The following KCNH1 variants were observed in gnomAD, a reference collection of about 807,000 sequenced individuals.
KCNH1 encodes potassium voltage-gated channel subfamily H member 1, also known as voltage-gated delayed rectifier potassium channel KCNH1.
In KCNH1, 27 loss-of-function variants were observed where a neutral mutation model predicts 69.2. That is an observed-to-expected ratio of 0.39 (90% CI 0.29 to 0.54). The LOEUF is 0.54. Among genes scored for constraint, KCNH1 ranks in the 20% least tolerant of loss-of-function variants. The pLI, the probability that KCNH1 is intolerant of heterozygous loss-of-function variation, is 0.68. For missense variants in KCNH1, 798 were observed against 1,261.6 expected (o/e 0.63, Z 5.57); for synonymous variants, 456 against 487.7 (o/e 0.93, Z 0.86).
rs368430564 is a variant in KCNH1 at position 211,015,361 on chromosome 1, A to T, written c.1032+3422T>A. 1.3e-4 allele frequency among the ~76,000 whole-genome samples: 20 copies of T among 152,308 alleles called. No individual in the cohort carries two copies. In the East Asian group the frequency reaches 3.9e-3, roughly 29 times the overall value. On this transcript the variant is annotated intron_variant, in intron 6 of 10. Coordinates refer to ENST00000271751, the MANE Select transcript of KCNH1 (RefSeq NM_172362.3). The stretch of plus-strand genomic sequence containing the variant: ...CAGAAGGGAACCCATTATTACTGTG[A>T]TTATATGATATGTTATTCCATCTTG...
At chr1:211,033,065 G>A (rs1197153905) in intron 5 of KCNH1, among the ~76,000 whole-genome samples, 1 of 151,890 alleles carries the variant, frequency 6.6e-6, no homozygotes, top group African/African-American at 2.4e-5. Context: ...AAATTTACAA[G>A]AAAAAAACAA....
chr1:210,873,724 ATAAT>A (rs1208160667), intron 7 of KCNH1, among the ~76,000 whole-genome samples: 3 of 152,228 alleles, frequency 2.0e-5, no homozygotes, highest in Admixed American at 2.0e-4. Flanking sequence ...AAATACAAAA[ATAAT>A]ATGTGAATCA....
rs986984103 is a variant in KCNH1, at chr1:210,882,119, A to T, written c.1462+37521T>A. On this transcript the variant is annotated intron_variant, in intron 7 of 10. Coordinates refer to ENST00000271751, the MANE Select transcript of KCNH1 (RefSeq NM_172362.3). ...ATATTGATAATGGTGGAGGCTGTGC[A>T]TGGGTGGGGGTAAGAGATACATGAG... Among the ~76,000 whole-genome samples the T allele has an allele frequency of 3.3e-5, 5 of 152,210 alleles. No homozygotes were observed. In the East Asian group the frequency reaches 5.8e-4, roughly 18 times the overall value.
At chr1:210,987,277 T>G (rs1241918468) in intron 6 of KCNH1, among the ~76,000 whole-genome samples, 1 of 152,242 alleles carries the variant, frequency 6.6e-6, no homozygotes, top group East Asian at 1.9e-4. Context: ...CCTTCTTCTC[T>G]CAACTCGTCA....
intron 6 of KCNH1, among the ~76,000 whole-genome samples, chr1:210,945,842 A>G (rs1687949261): frequency 6.6e-6 from 1 of 152,226 alleles, no homozygotes; most frequent in Non-Finnish European, 1.5e-5. Context: ...TTCTCCAAAA[A>G]GGACTTCCCT....
intron 7 of KCNH1, among the ~76,000 whole-genome samples, chr1:210,857,830 C>T (rs557949844): frequency 6.6e-6 from 1 of 152,258 alleles, no homozygotes; most frequent in East Asian, 1.9e-4. Flanking sequence ...GGGAAGCAAG[C>T]CAATCTCTCT....
intron 9 of KCNH1, among the ~76,000 whole-genome samples, chr1:210,790,798 A>G (rs1211765674): frequency 1.3e-5 from 2 of 152,140 alleles, no homozygotes; most frequent in African/African-American, 4.8e-5. Context: ...TAATCTTTAC[A>G]AATCACATCT....
chr1:210,696,609 T>C (rs1370813340), intron 10 of KCNH1, among the ~76,000 whole-genome samples: 2 of 152,140 alleles, frequency 1.3e-5, no homozygotes, highest in African/African-American at 4.8e-5. Context: ...GAAAGACACT[T>C]GAACTCCCAC....
intron 10 of KCNH1, among the ~76,000 whole-genome samples, chr1:210,695,128 A>G (rs1681610848): frequency 1.3e-5 from 2 of 152,226 alleles, no homozygotes; most frequent in South Asian, 4.1e-4. Flanking sequence ...GCACTGCTCT[A>G]TTCTTAGCCA....
chr1:211,010,125 A>T (rs1306428352), intron 6 of KCNH1, among the ~76,000 whole-genome samples: 1 of 152,168 alleles, frequency 6.6e-6, no homozygotes, highest in Non-Finnish European at 1.5e-5. Context: ...CTCCAGTCAC[A>T]TTCAGGGACT....
At position 210,679,423 on chromosome 1, in the gene KCNH1, C is replaced by T. The variant is rs1466849444; in HGVS notation, c.*3858G>A. On this transcript the variant is annotated 3_prime_UTR_variant, in exon 11 of 11. Coordinates refer to ENST00000271751, the MANE Select transcript of KCNH1 (RefSeq NM_172362.3). ...TAGTAAAACCTATTAATCAAATGCA[C>T]ATCAGCAACGTGTATCTCCACCAGG... 1.3e-5 allele frequency: 2 copies of T among 152,192 alleles called. No homozygotes were observed. The highest frequency in any genetic ancestry group is 2.9e-5 in the Non-Finnish European group (2 of 68,036). 9.4% of individuals were successfully genotyped at this position (152,192 alleles called of 1,614,324 possible). A position where few individuals can be genotyped will look rare whatever the true frequency, so the allele number is the denominator to read the frequency against.
chr1:210,795,862 C>T (rs1684300336), intron 9 of KCNH1, among the ~76,000 whole-genome samples: 1 of 151,910 alleles, frequency 6.6e-6, no homozygotes, highest in Non-Finnish European at 1.5e-5. Context: ...GTGGCTCATG[C>T]CTGTAATCCC....
chr1:210,749,674 T>A (rs945483360), intron 10 of KCNH1, among the ~76,000 whole-genome samples: 1 of 151,994 alleles, frequency 6.6e-6, no homozygotes. Flanking sequence ...CATAGGCAAC[T>A]TCCCTTGGCC....
chr1:210,973,049 T>A (rs1688540964), intron 6 of KCNH1, among the ~76,000 whole-genome samples: 1 of 152,044 alleles, frequency 6.6e-6, no homozygotes, highest in African/African-American at 2.4e-5. Flanking sequence ...CTCCTAATCA[T>A]GAACTTCAAT....
Position 210,995,991 on chromosome 1 carries a change from A to G in KCNH1, c.1032+22792T>C, listed in dbSNP as rs12023730. Among the ~76,000 whole-genome samples the G allele has an allele frequency of 2.0e-4, 30 of 152,040 alleles. No homozygotes were observed. In the East Asian group the frequency reaches 5.8e-3, roughly 29 times the overall value. On this transcript the variant is annotated intron_variant, in intron 6 of 10. Coordinates refer to ENST00000271751, the MANE Select transcript of KCNH1 (RefSeq NM_172362.3). ...GCTTAAACCATAATTGATGATTAAGATTTTTGAGGGTGGCAGCCAAGATGG... is the reference window on the plus strand; with the variant it reads ...GCTTAAACCATAATTGATGATTAAGGTTTTTGAGGGTGGCAGCCAAGATGG...
intron 6 of KCNH1, among the ~76,000 whole-genome samples, chr1:210,959,515 T>G (rs1574362245): frequency 1.3e-5 from 2 of 152,370 alleles, no homozygotes; most frequent in Admixed American, 1.3e-4. Flanking sequence ...AGCTATGCCC[T>G]GTCCACAGAG....
At position 210,679,419 on chromosome 1, in the gene KCNH1, T is replaced by C. The variant is rs1249520664; in HGVS notation, c.*3862A>G. On this transcript the variant is annotated 3_prime_UTR_variant, in exon 11 of 11. Transcript: ENST00000271751. ...GACATAGTAAAACCTATTAATCAAA[T>C]GCACATCAGCAACGTGTATCTCCAC... 1.3e-5 allele frequency: 2 copies of C among 152,170 alleles called. No individual in the cohort carries two copies. The highest frequency in any genetic ancestry group is 2.9e-5 in the Non-Finnish European group (2 of 68,030). The allele number at this position is 152,170 out of a possible 1,614,324, so 9.4% of individuals were successfully genotyped here.
intron 10 of KCNH1, among the ~76,000 whole-genome samples, chr1:210,739,559 G>A (rs1007573637): frequency 2.0e-4 from 31 of 152,196 alleles, no homozygotes; most frequent in African/African-American, 7.5e-4. Context: ...ATGCACTGCT[G>A]GGCTGGTGCT....
At chr1:211,117,396 G>A (rs910770510) in intron 1 of KCNH1, among the ~76,000 whole-genome samples, 2 of 152,174 alleles carry the variant, frequency 1.3e-5, no homozygotes, top group African/African-American at 4.8e-5. Flanking sequence ...ACTTGGTGCT[G>A]TGCCCATTGC....
Sources: gnomAD v4.1 joint callset for allele counts (sites outside exome capture counted in the v4.1 genomes callset) on GRCh38, gnomAD v4.1.1 for gene constraint, MANE v1.5 for transcripts, NCBI Gene and HGNC (gene_info 2026-07-23, HGNC 2026-07-21) for gene names.